The following ARHGAP6 variants were observed in gnomAD, a reference collection of about 807,000 sequenced individuals.
The protein encoded by ARHGAP6 is Rho GTPase activating protein 6.
A neutral mutation model predicts 55.7 loss-of-function variants in ARHGAP6; 16 were observed. That is an observed-to-expected ratio of 0.29 (90% CI 0.19 to 0.44). The LOEUF is 0.44. Among genes scored for constraint, ARHGAP6 ranks in the 20% least tolerant of loss-of-function variants. ARHGAP6 has a pLI of 1.00. For missense variants in ARHGAP6, 698 were observed against 808.9 expected (o/e 0.86, Z 1.66); for synonymous variants, 382 against 360.9 (o/e 1.06, Z -0.66).
At chrX:11,438,894 G>A (rs2050014158) in intron 1 of ARHGAP6, among the ~76,000 whole-genome samples, 1 of 112,618 alleles carries the variant, frequency 8.9e-6, no homozygotes, top group African/African-American at 3.2e-5. Context: ...TTGCTCCAGA[G>A]TATGGTTTTG....
intron 9 of ARHGAP6, among the ~76,000 whole-genome samples, chrX:11,164,172 C>T: frequency 8.9e-6 from 1 of 112,390 alleles, no homozygotes; most frequent in Non-Finnish European, 1.9e-5. Context: ...CTTGTTCTTT[C>T]CCCACAAATG....
intron 1 of ARHGAP6, among the ~76,000 whole-genome samples, chrX:11,384,041 A>G (rs997862791): frequency 1.8e-5 from 2 of 111,825 alleles, no homozygotes; most frequent in Non-Finnish European, 3.8e-5. Context: ...ATTTATAGAA[A>G]AAAAGAATAA....
chrX:11,598,766 C>T (rs1328976683), intron 1 of ARHGAP6, among the ~76,000 whole-genome samples: 3 of 111,842 alleles, frequency 2.7e-5, no homozygotes, highest in Admixed American at 9.5e-5. Flanking sequence ...ATTTAAGAAA[C>T]ACAGCCATGG....
intron 1 of ARHGAP6, among the ~76,000 whole-genome samples, chrX:11,299,440 T>C (rs1034734870): frequency 2.7e-5 from 3 of 111,827 alleles, no homozygotes; most frequent in African/African-American, 9.8e-5. Context: ...GGAAATCTCT[T>C]CAAAAACCTA....
rs146619592 is a variant in ARHGAP6 at position 11,520,939 on chromosome X, T to C, written c.588+143302A>G. On this transcript the variant is annotated intron_variant, in intron 1 of 12. Transcript: ENST00000337414. Reference sequence around the variant, plus strand: ...GATGATGAGCATTTTGTCATGTGTCTGTTGACTGCATAAATGTCTTCTTTT... The same window carrying C: ...GATGATGAGCATTTTGTCATGTGTCCGTTGACTGCATAAATGTCTTCTTTT... 9.2e-3 allele frequency among the ~76,000 whole-genome samples: 1,030 copies of C among 112,534 alleles called. 14 individuals carry two copies. The highest frequency in any genetic ancestry group is 0.032 in the African/African-American group (987 of 30,955).
At chrX:11,496,442 A>G (rs1367791275) in intron 1 of ARHGAP6, among the ~76,000 whole-genome samples, 2 of 109,040 alleles carry the variant, frequency 1.8e-5, no homozygotes, top group African/African-American at 6.5e-5. Context: ...ATAAGATTCT[A>G]AAAAAAGCTG....
chrX:11,468,298 C>T (rs1319788543), intron 1 of ARHGAP6, among the ~76,000 whole-genome samples: 2 of 112,162 alleles, frequency 1.8e-5, no homozygotes, highest in African/African-American at 6.5e-5. Flanking sequence ...CGAACAGTTT[C>T]AAAGGTAGAT....
chrX:11,613,898 T>C (rs1035062484), intron 1 of ARHGAP6, among the ~76,000 whole-genome samples: 4 of 111,941 alleles, frequency 3.6e-5, no homozygotes, highest in Non-Finnish European at 7.5e-5. Context: ...GAAAACAAGG[T>C]TGTACTTTAC....
At chrX:11,163,516 A>ACC (rs1363583136) in intron 9 of ARHGAP6, among the ~76,000 whole-genome samples, 1 of 112,301 alleles carries the variant, frequency 8.9e-6, no homozygotes, top group Admixed American at 9.4e-5. Context: ...TTTGCACTTG[A>ACC]CCAAGAAGGA....
rs1160731443 is a variant in ARHGAP6 at position 11,520,131 on chromosome X, TTATATATATATATATATATATA to T, written c.588+144088_588+144109del. On this transcript the variant is annotated intron_variant, in intron 1 of 12. Coordinates refer to ENST00000337414, the MANE Select transcript of ARHGAP6 (RefSeq NM_013427.3). Reference sequence around the variant, plus strand: ...TTCTTTAACAGTTAGAGAATTGATTTTATATATATATATATATATATATATATATATATATATATATATATAT... The same window carrying T: ...TTCTTTAACAGTTAGAGAATTGATTTTATATATATATATATATATATATAT... 3.9e-3 allele frequency among the ~76,000 whole-genome samples: 71 copies of T among 18,263 alleles called. 1 individual carries two copies. The highest frequency in any genetic ancestry group is 0.021 in the South Asian group (5 of 238). 15.9% of individuals were successfully genotyped at this position (18,263 alleles called of 115,157 possible).
At chrX:11,656,820 C>T (rs7051356) in intron 1 of ARHGAP6, among the ~76,000 whole-genome samples, 22,558 of 111,397 alleles carry the variant, frequency 0.2, 2,362 homozygotes, top group African/African-American at 0.39. Flanking sequence ...GGCATATTCA[C>T]AGGTTCTAGA....
chrX:11,545,703 C>T (rs1303290964), intron 1 of ARHGAP6, among the ~76,000 whole-genome samples: 1 of 111,824 alleles, frequency 8.9e-6, no homozygotes, highest in Non-Finnish European at 1.9e-5. Flanking sequence ...GCCCCAAAGA[C>T]TGCATGCACT....
At chrX:11,314,289 C>T (rs1389067070) in intron 1 of ARHGAP6, among the ~76,000 whole-genome samples, 2 of 111,604 alleles carry the variant, frequency 1.8e-5, no homozygotes, top group Admixed American at 1.9e-4. Flanking sequence ...GGATCCTCTG[C>T]CCTGTAATCA....
chrX:11,281,190 AGTAAT>A (rs1386253054), intron 1 of ARHGAP6, among the ~76,000 whole-genome samples: 1 of 111,584 alleles, frequency 9.0e-6, no homozygotes, highest in Non-Finnish European at 1.9e-5. Flanking sequence ...GTAGGATACC[AGTAAT>A]GTAATCTATA....
chrX:11,275,036 C>T (rs552591689), intron 1 of ARHGAP6, among the ~76,000 whole-genome samples: 79 of 111,486 alleles, frequency 7.1e-4, no homozygotes, highest in Admixed American at 2.1e-3. Flanking sequence ...CAAGTATTCT[C>T]GAAAGAAAAG....
intron 2 of ARHGAP6, among the ~76,000 whole-genome samples, chrX:11,250,198 G>C (rs1480841538): frequency 2.7e-5 from 3 of 111,873 alleles, no homozygotes; most frequent in African/African-American, 9.8e-5. Flanking sequence ...TATTTTCCCA[G>C]ATGATGTTTA....
chrX:11,483,736 C>G (rs1220127735), intron 1 of ARHGAP6, among the ~76,000 whole-genome samples: 1 of 111,525 alleles, frequency 9.0e-6, no homozygotes, highest in Non-Finnish European at 1.9e-5. Context: ...GCAATCATAG[C>G]CCTCCCATGA....
chrX:11,261,978 T>C (rs569034100), intron 1 of ARHGAP6, among the ~76,000 whole-genome samples: 2 of 112,211 alleles, frequency 1.8e-5, no homozygotes, highest in Admixed American at 1.9e-4. Context: ...AAGTCTGCTG[T>C]TAAGCCCAGA....
At position 11,139,499 on chromosome X, in the gene ARHGAP6, G is replaced by T. The variant is rs753527191; in HGVS notation, c.2289C>A (p.Ser763=). 439 of 1,142,602 alleles carry T rather than the reference G, an allele frequency of 3.8e-4. No individual in the cohort carries two copies. The highest frequency in any genetic ancestry group is 4.8e-4 in the Non-Finnish European group (412 of 865,593). The allele number at this position is 1,142,602 out of a possible 1,213,427, so 94.2% of individuals were successfully genotyped here. A position where few individuals can be genotyped will look rare whatever the true frequency, so the allele number is the denominator to read the frequency against. Residue 763 remains serine (S), a synonymous_variant, in exon 13 of 13, where the codon TCC becomes TCA. Coordinates refer to ENST00000337414, the MANE Select transcript of ARHGAP6 (RefSeq NM_013427.3). Reference sequence around the variant, plus strand: ...AAAGGGAGCAGGGCCCCGCTCTTAGGGAGCTGCTTTCAAAAATGTCTCCAG... The same window carrying T: ...AAAGGGAGCAGGGCCCCGCTCTTAGTGAGCTGCTTTCAAAAATGTCTCCAG... ...GSSGDIFESS[S]LRAGPCSLSQ... is the part of the protein sequence containing the mutation.
Sources: allele counts gnomAD v4.1 joint callset (sites outside exome capture counted in the v4.1 genomes callset), GRCh38; gene constraint gnomAD v4.1.1; transcripts MANE v1.5; gene names NCBI Gene and HGNC (gene_info 2026-07-23, HGNC 2026-07-21).